Variants in SCN11A observed in about 807,000 individuals in gnomAD.
SCN11A encodes the protein sodium channel protein type 11 subunit alpha.
Under a neutral mutation model 162.2 loss-of-function variants are expected in SCN11A, and 122 were observed. That is an observed-to-expected ratio of 0.75 (90% CI 0.65 to 0.87). The LOEUF (loss-of-function observed/expected upper bound fraction) is 0.87, where lower values mean the gene tolerates loss of function less well. Ranked by LOEUF, SCN11A falls within the 40% of genes least tolerant of loss-of-function variation. The pLI is 0.00. For synonymous variants in SCN11A, 758 were observed against 751.5 expected (o/e 1.01, Z -0.14); for missense variants, 2,015 against 2,181.6 (o/e 0.92, Z 1.52).
chr3:38,963,110 A>G (rs2066752161), intron 2 of SCN11A, among the ~76,000 whole-genome samples: 1 of 151,088 alleles, frequency 6.6e-6, no homozygotes. Context: ...GGGAATGTAA[A>G]CTAGTACAGC....
chr3:39,047,051 CACCCCCA>C (rs2032201788), intron 1 of SCN11A, among the ~76,000 whole-genome samples: 2 of 98,436 alleles, frequency 2.0e-5, no homozygotes, highest in Admixed American at 9.5e-5. Flanking sequence ...CCCATCCCCC[CACCCCCA>C]CCCCCACCCC....
chr3:38,870,607 G>T, intron 26 of SCN11A, 84 bp downstream of exon 26: 2 of 1,140,972 alleles, frequency 1.8e-6, no homozygotes, highest in South Asian at 2.8e-5. Flanking sequence ...CTGGAACTAT[G>T]ACGCCAGTTC....
At chr3:38,939,100 G>C (rs547189305) in intron 7 of SCN11A, among the ~76,000 whole-genome samples, 1 of 152,078 alleles carries the variant, frequency 6.6e-6, no homozygotes, top group African/African-American at 2.4e-5. Context: ...CTGAATCCAG[G>C]AGGCGAAGGC....
chr3:38,950,062 C>CAA, intron 5 of SCN11A, 34 bp downstream of exon 5: 1 of 72,508 alleles, frequency 1.4e-5, no homozygotes, highest in South Asian at 2.4e-4. Context: ...AGAACACCCC[C>CAA]ACCCCCACCC....
intron 2 of SCN11A, among the ~76,000 whole-genome samples, chr3:38,969,432 G>A (rs2066803453): frequency 1.3e-5 from 2 of 152,168 alleles, no homozygotes; most frequent in South Asian, 2.1e-4. Flanking sequence ...AATCTCAGCG[G>A]CCTGCTGTGA....
intron 29 of SCN11A, chr3:38,849,812 G>A (rs529540798): frequency 5.9e-5 from 9 of 152,278 alleles, no homozygotes; most frequent in South Asian, 2.1e-4. Context: ...TTAACCCTGC[G>A]TGTGATTAGG....
intron 1 of SCN11A, among the ~76,000 whole-genome samples, chr3:39,047,197 G>A (rs903705208): frequency 1.3e-5 from 2 of 150,872 alleles, no homozygotes; most frequent in African/African-American, 4.9e-5. Flanking sequence ...AGCCTTCCAA[G>A]TAGCTGGGAC....
At chr3:38,968,276 G>A (rs1308829429) in intron 2 of SCN11A, among the ~76,000 whole-genome samples, 1 of 152,134 alleles carries the variant, frequency 6.6e-6, no homozygotes, top group African/African-American at 2.4e-5. Context: ...CTCATTCCCA[G>A]ATACAAAATT....
intron 2 of SCN11A, among the ~76,000 whole-genome samples, chr3:39,006,146 A>T (rs538682761): frequency 2.0e-5 from 3 of 152,298 alleles, no homozygotes; most frequent in Non-Finnish European, 4.4e-5. Context: ...TATGTAATAC[A>T]TGTTTTGTCT....
chr3:38,946,619 AGAC>A (rs1214829155), intron 6 of SCN11A, among the ~76,000 whole-genome samples, 167 bp downstream of exon 6: 3 of 152,190 alleles, frequency 2.0e-5, no homozygotes, highest in Non-Finnish European at 4.4e-5. Context: ...CCAGAGAAGG[AGAC>A]GACATCTTGC....
chr3:38,925,216 G>C (rs2066119118), intron 9 of SCN11A, among the ~76,000 whole-genome samples, 199 bp downstream of exon 9: 1 of 141,578 alleles, frequency 7.1e-6, no homozygotes, highest in South Asian at 2.2e-4. Context: ...GTATCCATTT[G>C]CTTACTACTA....
At position 38,897,074 on chromosome 3, in the gene SCN11A, C is replaced by T. The variant is rs752954989; in HGVS notation, c.2174G>A (p.Arg725His). 24 of 1,613,946 alleles carry T rather than the reference C, an allele frequency of 1.5e-5. No homozygotes were observed. The highest frequency in any genetic ancestry group is 4.4e-5 in the South Asian group (4 of 91,086). Residue 725 changes from arginine to histidine, a missense_variant, in exon 18 of 30, where the codon CGT (arginine) becomes CAT (histidine). Arg to His is a conservative substitution (Grantham distance 29). Coordinates refer to ENST00000302328, the MANE Select transcript of SCN11A (RefSeq NM_001349253.2). The part of the protein sequence containing the change: ...FSVVGMQLFG[R>H]SFNSQKSPKL... ...TGGACTCTTTTGGGAATTGAAGCTA[C>T]GGCCAAAAAGCTGCATGCCAACTAC...
At chr3:39,015,645 C>G (rs755245134) in intron 2 of SCN11A, among the ~76,000 whole-genome samples, 3 of 152,158 alleles carry the variant, frequency 2.0e-5, no homozygotes, top group Non-Finnish European at 4.4e-5. Context: ...GTGGCTTAAA[C>G]AAATAGATGT....
chr3:38,919,425 C>T (rs988854160), intron 11 of SCN11A, among the ~76,000 whole-genome samples: 3 of 152,124 alleles, frequency 2.0e-5, no homozygotes, highest in South Asian at 2.1e-4. Flanking sequence ...TAGAAAGCAC[C>T]GCTAACCTGA....
intron 7 of SCN11A, among the ~76,000 whole-genome samples, chr3:38,929,553 T>C (rs1490600543): frequency 6.6e-6 from 1 of 152,284 alleles, no homozygotes; most frequent in Non-Finnish European, 1.5e-5. Context: ...TTTTATGTTA[T>C]GTGTACTTTG....
At chr3:38,926,707 T>G in intron 8 of SCN11A, 96 bp downstream of exon 8, 1 of 1,271,812 alleles carries the variant, frequency 7.9e-7, no homozygotes, top group South Asian at 1.4e-5. Context: ...TAGGCCATAC[T>G]CAGCCACTCA....
rs529179896 is a variant in SCN11A at position 38,875,781 on chromosome 3, C to T, written c.3394-3487G>A. On this transcript the variant is annotated intron_variant, in intron 23 of 29. Coordinates refer to ENST00000302328, the MANE Select transcript of SCN11A (RefSeq NM_001349253.2). ...AATCAACATTGTGAAAATGACCCTA[C>T]TACCAAAAGCGATCTACAAATTCAA... is the stretch of plus-strand genomic sequence containing the variant. Among the ~76,000 whole-genome samples the T allele has an allele frequency of 1.9e-3, 289 of 152,240 alleles. 2 individuals carry two copies. Among genetic ancestry groups the T allele is most frequent in the African/African-American group, 6.3e-3 (262 of 41,574 alleles).
At chr3:38,898,678 AG>A (rs2065646646) in intron 17 of SCN11A, among the ~76,000 whole-genome samples, 1 of 152,224 alleles carries the variant, frequency 6.6e-6, no homozygotes, top group Non-Finnish European at 1.5e-5. Flanking sequence ...CTTGTTTTAT[AG>A]GTTGTTTCTT....
chr3:39,007,437 T>C (rs2031009955), intron 2 of SCN11A, among the ~76,000 whole-genome samples: 1 of 152,140 alleles, frequency 6.6e-6, no homozygotes, highest in Non-Finnish European at 1.5e-5. Flanking sequence ...TTCTTTCATG[T>C]TAATAAAATG....
Sources: gnomAD v4.1 joint callset for allele counts (sites outside exome capture counted in the v4.1 genomes callset) on GRCh38, gnomAD v4.1.1 for gene constraint, MANE v1.5 for transcripts, NCBI Gene and HGNC (gene_info 2026-07-23, HGNC 2026-07-21) for gene names.